Variants in XRCC5 observed in about 807,000 individuals in gnomAD.
XRCC5 encodes DNA repair protein Ku80.
XRCC5 carries 12 observed loss-of-function variants against 95.7 expected under a neutral mutation model. That is an observed-to-expected ratio of 0.13 (90% CI 0.08 to 0.20). The LOEUF (loss-of-function observed/expected upper bound fraction) is 0.20, where lower values mean the gene tolerates loss of function less well. Ranked by LOEUF, XRCC5 falls within the 10% of genes least tolerant of loss-of-function variation. XRCC5 has a pLI of 1.00. For missense variants in XRCC5, 595 were observed against 873.9 expected (o/e 0.68, Z 4.02); for synonymous variants, 281 against 290.3 (o/e 0.97, Z 0.33).
chr2:216,188,004 G>A (rs1689539985), intron 16 of XRCC5, among the ~76,000 whole-genome samples: 1 of 151,480 alleles, frequency 6.6e-6, no homozygotes, highest in African/African-American at 2.4e-5. Flanking sequence ...CCCTACCTCA[G>A]GACTCTCACA....
chr2:216,172,464 C>CTTTCCTTTTT (rs1258491985), intron 16 of XRCC5, among the ~76,000 whole-genome samples: 8 of 70,340 alleles, frequency 1.1e-4, no homozygotes, highest in South Asian at 5.9e-4. Flanking sequence ...ATCAGCTTTT[C>CTTTCCTTTTT]TTTTCTTTTT....
At chr2:216,172,470 T>TTTTC (rs1491112846) in intron 16 of XRCC5, among the ~76,000 whole-genome samples, 18 of 45,002 alleles carry the variant, frequency 4.0e-4, no homozygotes, top group African/African-American at 2.3e-3. Flanking sequence ...TTTTCTTTTC[T>TTTTC]TTTTTTTTTT....
At chr2:216,204,468 CTGA>C in intron 20 of XRCC5, 72 bp downstream of exon 20, 3 of 1,521,452 alleles carry the variant, frequency 2.0e-6, no homozygotes, top group Non-Finnish European at 2.7e-6. Flanking sequence ...GCCACAAAGG[CTGA>C]TTATCTTACA....
chr2:216,138,276 G>A lies in XRCC5; in HGVS notation c.1342+97G>A. The A allele has an allele frequency of 1.9e-6, 2 of 1,037,552 alleles. No individual in the cohort carries two copies. The highest frequency in any genetic ancestry group is 2.9e-6 in the Non-Finnish European group (2 of 687,018). The allele number at this position is 1,037,552 out of a possible 1,614,324, so 64.3% of individuals were successfully genotyped here. ...TGTTGGTTGGGGCTAGGTATTTATA[G>A]GGTGCAATTAGTTGGATTTCCAATC... is the stretch of plus-strand genomic sequence containing the variant. On this transcript the variant is annotated intron_variant, in intron 12 of 20. Transcript: ENST00000392132.
intron 19 of XRCC5, chr2:216,204,068 G>A: frequency 4.1e-6 from 2 of 488,094 alleles, no homozygotes; most frequent in South Asian, 4.2e-5. Flanking sequence ...GACAAGCCAT[G>A]TTCTTTCCTC....
chr2:216,183,253 G>A (rs3770496), intron 16 of XRCC5, among the ~76,000 whole-genome samples: 54,666 of 151,942 alleles, frequency 0.36, 10,890 homozygotes, highest in East Asian at 0.73. Context: ...ATAGTCTGCA[G>A]GAATGGATTC....
intron 1 of XRCC5, among the ~76,000 whole-genome samples, chr2:216,110,865 A>G (rs13002401): frequency 0.31 from 46,800 of 151,772 alleles, 7,880 homozygotes; most frequent in East Asian, 0.67. Flanking sequence ...ACTGTTCTCA[A>G]AGGAATTTTG....
intron 16 of XRCC5, among the ~76,000 whole-genome samples, chr2:216,185,948 AATTT>A (rs1213245881): frequency 2.6e-5 from 4 of 152,184 alleles, no homozygotes; most frequent in Non-Finnish European, 5.9e-5. Flanking sequence ...TAACATTTAA[AATTT>A]ATTTAACTGC....
At chr2:216,171,749 ACTGT>A (rs1197874321) in intron 16 of XRCC5, among the ~76,000 whole-genome samples, 5 of 152,206 alleles carry the variant, frequency 3.3e-5, no homozygotes, top group Non-Finnish European at 7.3e-5. Context: ...AGTAAGATAC[ACTGT>A]CTAAGTTTTC....
chr2:216,187,786 G>GACACACGCACAC (rs1553579104), intron 16 of XRCC5, among the ~76,000 whole-genome samples: 20 of 64,544 alleles, frequency 3.1e-4, no homozygotes, highest in African/African-American at 1.9e-3. Context: ...ATGAACTCCT[G>GACACACGCACAC]ACACACACAC....
At chr2:216,127,696 C>T (rs762680519) in intron 8 of XRCC5, 22 bp downstream of exon 8, 4 of 1,573,604 alleles carry the variant, frequency 2.5e-6, no homozygotes, top group South Asian at 2.4e-5. Context: ...AGAGTTTTCA[C>T]TGTTGCCTAA....
At chr2:216,177,913 G>T (rs1002640362) in intron 16 of XRCC5, among the ~76,000 whole-genome samples, 2 of 152,184 alleles carry the variant, frequency 1.3e-5, no homozygotes, top group African/African-American at 4.8e-5. Flanking sequence ...AAATGTATGG[G>T]ATTGTAAGGA....
At chr2:216,120,506 C>T (rs1696783971) in intron 5 of XRCC5, among the ~76,000 whole-genome samples, 1 of 152,076 alleles carries the variant, frequency 6.6e-6, no homozygotes, top group African/African-American at 2.4e-5. Flanking sequence ...ATTCCATGTA[C>T]AGCTGATTGT....
In XRCC5 at chr2:216,150,238, G is replaced by A. The variant is rs187904911; in HGVS notation, c.1670+1962G>A. 7.9e-5 allele frequency among the ~76,000 whole-genome samples: 12 copies of A among 152,256 alleles called. No individual in the cohort carries two copies. The East Asian group carries it at 2.1e-3, about 27-fold the overall frequency. ...GAGTGGACAAATGTCTGTTCAGGAA[G>A]TTTAATCATCTTAAGAGCTGGGAAT... On this transcript the variant is annotated intron_variant, in intron 14 of 20. Coordinates refer to ENST00000392132, the MANE Select transcript of XRCC5 (RefSeq NM_021141.4).
chr2:216,142,366 A>G (rs1195132649), intron 13 of XRCC5, among the ~76,000 whole-genome samples: 1 of 152,210 alleles, frequency 6.6e-6, no homozygotes, highest in Non-Finnish European at 1.5e-5. Flanking sequence ...ATATTGTGAA[A>G]TTATTAAAGA....
intron 16 of XRCC5, among the ~76,000 whole-genome samples, chr2:216,172,999 G>A (rs1489368216): frequency 6.6e-6 from 1 of 152,118 alleles, no homozygotes; most frequent in East Asian, 1.9e-4. Context: ...TTTTGATGAT[G>A]TTGTGAGTGG....
At chr2:216,116,265 CCTG>C (rs1329750101) in intron 2 of XRCC5, among the ~76,000 whole-genome samples, 1 of 152,014 alleles carries the variant, frequency 6.6e-6, no homozygotes, top group African/African-American at 2.4e-5. Flanking sequence ...TATAGGCTAT[CCTG>C]CACTTTTTTT....
intron 10 of XRCC5, among the ~76,000 whole-genome samples, chr2:216,134,431 GTT>G (rs780804346): frequency 1.6e-5 from 2 of 125,492 alleles, no homozygotes; most frequent in Non-Finnish European, 1.8e-5. Flanking sequence ...TTTTTTTTTT[GTT>G]TTTTTTTTTT....
Position 216,148,283 on chromosome 2 carries a change from A to G in XRCC5, c.1670+7A>G, listed in dbSNP as rs921617901. The G allele has an allele frequency of 1.0e-5, 16 of 1,606,944 alleles. No individual in the cohort carries two copies. Among genetic ancestry groups the G allele is most frequent in the Non-Finnish European group, 1.4e-5 (16 of 1,177,914 alleles). On this transcript the variant is annotated splice_region_variant and intron_variant, in intron 14 of 20. Coordinates refer to ENST00000392132, the MANE Select transcript of XRCC5 (RefSeq NM_021141.4). ...AGGAAATTTTCCAAGACAAGTAAGT[A>G]CTTGGTATAGTTGCATTTAACATTG... is the stretch of plus-strand genomic sequence containing the variant.
Sources: gnomAD v4.1 joint callset for allele counts (sites outside exome capture counted in the v4.1 genomes callset) on GRCh38, gnomAD v4.1.1 for gene constraint, MANE v1.5 for transcripts, NCBI Gene and HGNC (gene_info 2026-07-23, HGNC 2026-07-21) for gene names.